CRIM1: variants seen among roughly 807,000 people sequenced by gnomAD.
CRIM1 encodes the protein cysteine-rich motor neuron 1 protein.
In CRIM1, 32 loss-of-function variants were observed where a neutral mutation model predicts 116.4. The observed-to-expected ratio is 0.27, with a 90% CI of 0.21 to 0.37. The LOEUF is 0.37. CRIM1 is among the 10% of genes least tolerant of loss of function. The pLI is 1.00. For missense variants in CRIM1, 1,331 were observed against 1,354.8 expected (o/e 0.98, Z 0.28); for synonymous variants, 590 against 509.2 (o/e 1.16, Z -2.13).
chr2:36,512,528 C>A, intron 10 of CRIM1, 134 bp downstream of exon 10: 6 of 911,392 alleles, frequency 6.6e-6, no homozygotes, highest in South Asian at 2.1e-5. Flanking sequence ...CTCTGTGGGA[C>A]CGTCCCACAG....
chr2:36,472,359 A>G (rs1279750021), intron 5 of CRIM1, among the ~76,000 whole-genome samples: 6 of 152,166 alleles, frequency 3.9e-5, no homozygotes, highest in Non-Finnish European at 8.8e-5. Context: ...GAGCCTCTAT[A>G]AATCTCTTTG....
At chr2:36,359,626 A>AT (rs1222560062) in intron 1 of CRIM1, among the ~76,000 whole-genome samples, 2 of 152,214 alleles carry the variant, frequency 1.3e-5, no homozygotes, top group East Asian at 3.8e-4. Flanking sequence ...TTTCTGAATG[A>AT]TTAAATAATG....
chr2:36,378,229 T>C, intron 1 of CRIM1: 2 of 455,954 alleles, frequency 4.4e-6, no homozygotes, highest in South Asian at 3.2e-5. Flanking sequence ...TCAGTAAATG[T>C]ATTTTAAATC....
chr2:36,541,718 G>C (rs1666955138), intron 14 of CRIM1, among the ~76,000 whole-genome samples: 1 of 152,200 alleles, frequency 6.6e-6, no homozygotes, highest in Non-Finnish European at 1.5e-5. Context: ...AGGAGCGATT[G>C]TGACCGTGTG....
chr2:36,457,960 G>C (rs958148442), intron 4 of CRIM1, among the ~76,000 whole-genome samples: 4 of 151,906 alleles, frequency 2.6e-5, no homozygotes, highest in African/African-American at 9.7e-5. Flanking sequence ...TGCCCTTTTT[G>C]CTCCTCATTT....
chr2:36,422,679 G>A (rs867030270), intron 2 of CRIM1, among the ~76,000 whole-genome samples: 3 of 152,136 alleles, frequency 2.0e-5, no homozygotes, highest in Admixed American at 6.5e-5. Flanking sequence ...AAAATATGTG[G>A]TATAAATCAG....
Position 36,405,646 on chromosome 2 carries a change from C to T in CRIM1, c.505+8859C>T, listed in dbSNP as rs189184796. Among the ~76,000 whole-genome samples, 326 of 152,284 alleles carry T rather than the reference C, an allele frequency of 2.1e-3. 1 individual carries two copies. The highest frequency in any genetic ancestry group is 3.4e-3 in the Middle Eastern group (1 of 294). On this transcript the variant is annotated intron_variant, in intron 2 of 16. Coordinates refer to ENST00000280527, the MANE Select transcript of CRIM1 (RefSeq NM_016441.3). ...ATAGAGTGTTTATGTGAATCGACTT[C>T]GCTGCACAGAGAAATGGATTTGTTG...
chr2:36,537,613 G>C, intron 14 of CRIM1, 67 bp downstream of exon 14: 4 of 1,447,240 alleles, frequency 2.8e-6, no homozygotes, highest in Non-Finnish European at 3.7e-6. Context: ...TCGAAGCAGA[G>C]CTCGACCTGC....
chr2:36,454,801 A>G (rs570714659), intron 4 of CRIM1, among the ~76,000 whole-genome samples: 36 of 152,174 alleles, frequency 2.4e-4, no homozygotes, highest in Non-Finnish European at 4.6e-4. Context: ...GTTAGAGGTC[A>G]CAGACCTTCT....
intron 2 of CRIM1, among the ~76,000 whole-genome samples, chr2:36,433,335 T>G (rs1675044252): frequency 6.6e-6 from 1 of 152,128 alleles, no homozygotes; most frequent in Non-Finnish European, 1.5e-5. Flanking sequence ...ATAACATCGT[T>G]TGGGAAGAAA....
intron 2 of CRIM1, among the ~76,000 whole-genome samples, chr2:36,406,632 CCAA>C (rs1672824892): frequency 1.2e-5 from 1 of 80,052 alleles, no homozygotes; most frequent in African/African-American, 5.3e-5. Flanking sequence ...TCCCCCCCCC[CCAA>C]AAAAAAACAA....
chr2:36,380,201 T>C (rs955343602), intron 1 of CRIM1, among the ~76,000 whole-genome samples: 4 of 152,226 alleles, frequency 2.6e-5, no homozygotes, highest in African/African-American at 9.6e-5. Flanking sequence ...CTCTGCATCC[T>C]TCTCCACAAG....
intron 1 of CRIM1, among the ~76,000 whole-genome samples, chr2:36,360,527 G>A (rs908948395): frequency 6.6e-6 from 1 of 152,192 alleles, no homozygotes; most frequent in African/African-American, 2.4e-5. Context: ...ATTGGGCAGT[G>A]TGTAAGAGAA....
At chr2:36,545,517 C>A (rs1056447592) in intron 15 of CRIM1, among the ~76,000 whole-genome samples, 2 of 152,130 alleles carry the variant, frequency 1.3e-5, no homozygotes, top group African/African-American at 4.8e-5. Context: ...GAGAAATTTT[C>A]TCATGCATCA....
At chr2:36,475,827 A>G (rs572068462) in intron 5 of CRIM1, among the ~76,000 whole-genome samples, 6 of 152,330 alleles carry the variant, frequency 3.9e-5, no homozygotes, top group South Asian at 2.1e-4. Context: ...AACTGTGTCT[A>G]TCGAATGATC....
At chr2:36,506,153 ACACACT>A (rs1215746150) in intron 8 of CRIM1, among the ~76,000 whole-genome samples, 3 of 106,090 alleles carry the variant, frequency 2.8e-5, no homozygotes, top group Admixed American at 1.1e-4. Flanking sequence ...ACACACACAC[ACACACT>A]CTCTCTCTCT....
chr2:36,442,562 CAAAAGCAAGT>C, intron 3 of CRIM1, 43 bp from the exon 4 acceptor site: 1 of 1,609,692 alleles, frequency 6.2e-7, no homozygotes, highest in Non-Finnish European at 8.5e-7. Flanking sequence ...TTAGGGACTC[CAAAAGCAAGT>C]AAATATAACA....
chr2:36,413,986 A>G (rs1249064174), intron 2 of CRIM1, among the ~76,000 whole-genome samples: 2 of 152,198 alleles, frequency 1.3e-5, no homozygotes, highest in Non-Finnish European at 2.9e-5. Flanking sequence ...TATGCTGGAG[A>G]CATCTTCATA....
chr2:36,437,943 C>A (rs1675451644), intron 2 of CRIM1, among the ~76,000 whole-genome samples: 1 of 151,860 alleles, frequency 6.6e-6, no homozygotes. Flanking sequence ...ACCAGCCCGG[C>A]CAACATGGTG....
Sources: allele counts gnomAD v4.1 joint callset (sites outside exome capture counted in the v4.1 genomes callset), GRCh38; gene constraint gnomAD v4.1.1; transcripts MANE v1.5; gene names NCBI Gene and HGNC (gene_info 2026-07-23, HGNC 2026-07-21).